Variants in MXRA7 observed in about 807,000 individuals in gnomAD.
MXRA7 encodes the protein matrix remodeling associated 7.
A neutral mutation model predicts 17.4 loss-of-function variants in MXRA7; 18 were observed. That is an observed-to-expected ratio of 1.03 (90% CI 0.71 to 1.53). The LOEUF is 1.53. Among genes scored for constraint, MXRA7 ranks in the 40% most tolerant of loss-of-function variants. MXRA7 has a pLI of 0.00. For synonymous variants in MXRA7, 70 were observed against 101.7 expected, an observed-to-expected ratio of 0.69 and a Z score of 1.87; for missense variants, 141 against 209.3, an observed-to-expected ratio of 0.67 and a Z score of 2.01.
At chr17:76,682,356 G>A (rs2076316726) in intron 3 of MXRA7, among the ~76,000 whole-genome samples, 4 of 152,160 alleles carry the variant, frequency 2.6e-5, no homozygotes, top group East Asian at 1.9e-4. Context: ...CATGGAGGCC[G>A]GGAGGGTGGA....
At chr17:76,684,386 G>A (rs1040264110) in intron 3 of MXRA7, among the ~76,000 whole-genome samples, 1 of 152,126 alleles carries the variant, frequency 6.6e-6, no homozygotes, top group Admixed American at 6.5e-5. Flanking sequence ...CAGCAGTGTG[G>A]GTGAGCACCA....
intron 1 of MXRA7, among the ~76,000 whole-genome samples, chr17:76,694,177 G>A (rs1374331371): frequency 1.3e-5 from 2 of 152,160 alleles, no homozygotes; most frequent in African/African-American, 4.8e-5. Context: ...TGCCTAGAGT[G>A]GGCCCGGGTG....
At chr17:76,692,481 G>A (rs958975711) in intron 1 of MXRA7, among the ~76,000 whole-genome samples, 2 of 151,918 alleles carry the variant, frequency 1.3e-5, no homozygotes, top group Admixed American at 6.6e-5. Context: ...TCGAACTCCC[G>A]ACCTCAGGTG....
rs2076290950 is a variant in MXRA7 at position 76,680,700 on chromosome 17, A to G, written c.*167T>C. On this transcript the variant is annotated 3_prime_UTR_variant, in exon 4 of 4. Coordinates refer to ENST00000449428, the MANE Select transcript of MXRA7 (RefSeq NM_198530.4). Reference sequence around the variant, plus strand: ...CCAAAGGTGTTCCCAGGATCCTGCTAGCCAAGGGACAAGTCCTGATTGAGG... The same window carrying G: ...CCAAAGGTGTTCCCAGGATCCTGCTGGCCAAGGGACAAGTCCTGATTGAGG... 7 of 1,444,570 alleles carry G rather than the reference A, an allele frequency of 4.8e-6. No homozygotes were observed. The South Asian group carries it at 1.1e-4, about 22-fold the overall frequency. The allele number at this position is 1,444,570 out of a possible 1,614,324, so 89.5% of individuals were successfully genotyped here. A position where few individuals can be genotyped will look rare whatever the true frequency, so the allele number is the denominator to read the frequency against.
At chr17:76,675,825 G>A (rs1020948966), downstream of MXRA7, 6 of 152,138 alleles carry the variant, frequency 3.9e-5, no homozygotes, top group Admixed American at 1.3e-4. Flanking sequence ...AGGGGCTCCC[G>A]AAAAACCCCT....
At chr17:76,710,458 T>C in intron 1 of MXRA7, 147 bp downstream of exon 1, 1 of 612,568 alleles carries the variant, frequency 1.6e-6, no homozygotes, top group Non-Finnish European at 2.3e-6. Context: ...TGGCGGGACC[T>C]GCATTTCCTG....
At chr17:76,680,977 T>C (rs907461289) in intron 3 of MXRA7, 98 bp from the exon 4 acceptor site, 10 of 991,356 alleles carry the variant, frequency 1.0e-5, no homozygotes, top group Middle Eastern at 2.1e-4. Flanking sequence ...GGAAGGAGAA[T>C]GTTTGGAATT....
rs11869629 is a variant in MXRA7, at chr17:76,681,074, C to T, written c.501-195G>A. On this transcript the variant is annotated intron_variant, in intron 3 of 3. Coordinates refer to ENST00000449428, the MANE Select transcript of MXRA7 (RefSeq NM_198530.4). This position sits in a 1 kb window ranked among gnomAD's most constrained non-coding sequence, Gnocchi z 4.7. Reference sequence around the variant, plus strand: ...AGCAAGACAGTCTGTGCCGCCAAGCCGGCCAGAGCTTGCAGAGCTCCCCTT... The same window carrying T: ...AGCAAGACAGTCTGTGCCGCCAAGCTGGCCAGAGCTTGCAGAGCTCCCCTT... Among the ~76,000 whole-genome samples, 107,546 of 152,026 alleles carry T rather than the reference C, an allele frequency of 0.71. 39,495 individuals carry two copies. Among genetic ancestry groups the T allele is most frequent in the Non-Finnish European group, 0.81 (55,323 of 67,972 alleles).
rs957485640 is a variant in MXRA7 at position 76,695,230 on chromosome 17, A to G, written c.343-7054T>C. Among the ~76,000 whole-genome samples, 9 of 152,302 alleles carry G rather than the reference A, an allele frequency of 5.9e-5. No individual in the cohort carries two copies. The East Asian group carries it at 7.7e-4, about 13-fold the overall frequency. Reference sequence around the variant, plus strand: ...GACTGCATTTTGCCCTGATTTTATAAAAGTGTGGACACAACAGAAAAGTGA... The same window carrying G: ...GACTGCATTTTGCCCTGATTTTATAGAAGTGTGGACACAACAGAAAAGTGA... On this transcript the variant is annotated intron_variant, in intron 1 of 3. Transcript: ENST00000449428.
intron 3 of MXRA7, chr17:76,683,768 G>T: frequency 2.0e-6 from 2 of 999,242 alleles, no homozygotes; most frequent in Non-Finnish European, 3.2e-6. Flanking sequence ...GGGAGGTTGA[G>T]GCCGCGTCAG....
chr17:76,701,671 G>A (rs2076592414), intron 1 of MXRA7, among the ~76,000 whole-genome samples: 1 of 151,998 alleles, frequency 6.6e-6, no homozygotes, highest in Non-Finnish European at 1.5e-5. Flanking sequence ...CAAGGAGGGA[G>A]TATGTTGTGG....
intron 1 of MXRA7, among the ~76,000 whole-genome samples, chr17:76,705,667 G>A (rs923277881): frequency 2.0e-5 from 3 of 152,156 alleles, no homozygotes; most frequent in Admixed American, 6.5e-5. Context: ...CTGATAAGAA[G>A]AGGAAGAGAC....
intron 1 of MXRA7, among the ~76,000 whole-genome samples, chr17:76,704,200 A>ATTTTTTTTTTTTTTT (rs1162372827): frequency 1.6e-5 from 1 of 63,398 alleles, no homozygotes; most frequent in Non-Finnish European, 2.8e-5. Context: ...CTTCCTTCAG[A>ATTTTTTTTTTTTTTT]TTTTTTTTTT....
rs1048074219 is a variant in MXRA7, at chr17:76,679,605, A to C, written c.*1262T>G. ...TACTCAAAGTTTATTGGACTGAACA[A>C]AGGCTGAATACAGAGATCCAAGCCA... On this transcript the variant is annotated 3_prime_UTR_variant, in exon 4 of 4. Transcript: ENST00000449428. 2.1e-6 allele frequency: 2 copies of C among 974,454 alleles called. No homozygotes were observed. Among genetic ancestry groups the C allele is most frequent in the African/African-American group, 1.8e-5 (1 of 57,076 alleles). 60.4% of individuals were successfully genotyped at this position (974,454 alleles called of 1,614,324 possible).
chr17:76,704,200 A>ATTTTTTTTTTTTTTTTTTTTTTTTTTT (rs1162372827), intron 1 of MXRA7, among the ~76,000 whole-genome samples: 1 of 63,398 alleles, frequency 1.6e-5, no homozygotes. Flanking sequence ...CTTCCTTCAG[A>ATTTTTTTTTTTTTTTTTTTTTTTTTTT]TTTTTTTTTT....
intron 1 of MXRA7, among the ~76,000 whole-genome samples, chr17:76,702,872 C>CGT (rs1555644743): frequency 2.7e-5 from 4 of 147,292 alleles, no homozygotes; most frequent in South Asian, 2.2e-4. Flanking sequence ...TATATATATA[C>CGT]GTATATATAT....
At chr17:76,690,618 A>G (rs2076470091) in intron 1 of MXRA7, among the ~76,000 whole-genome samples, 1 of 151,882 alleles carries the variant, frequency 6.6e-6, no homozygotes, top group African/African-American at 2.4e-5. Context: ...GCTGAGGCAG[A>G]AGGATCACTT....
chr17:76,683,898 A>AG, intron 3 of MXRA7: 1 of 1,614,162 alleles, frequency 6.2e-7, no homozygotes, highest in Non-Finnish European at 8.5e-7. Context: ...AACTTGCTAC[A>AG]GGGAAGTGAG....
chr17:76,705,514 C>T (rs2076645647), intron 1 of MXRA7, among the ~76,000 whole-genome samples: 1 of 152,166 alleles, frequency 6.6e-6, no homozygotes, highest in South Asian at 2.1e-4. Flanking sequence ...TGGGCCTGTT[C>T]TGGACTAAAT....
Sources: gnomAD v4.1 joint callset for allele counts (sites outside exome capture counted in the v4.1 genomes callset) on GRCh38, gnomAD v4.1.1 for gene constraint, Gnocchi (gnomAD v3.1) non-coding constraint, MANE v1.5 for transcripts, NCBI Gene and HGNC (gene_info 2026-07-23, HGNC 2026-07-21) for gene names.